Variants in PRDM15 observed in about 807,000 individuals in gnomAD.
The protein encoded by PRDM15 is PR/SET domain 15, also known as PR domain zinc finger protein 15.
In PRDM15, 64 loss-of-function variants were observed where a neutral mutation model predicts 128.6. That is an observed-to-expected ratio of 0.50 (90% CI 0.41 to 0.61). PRDM15 has a LOEUF of 0.61. PRDM15 is among the 20% of genes least tolerant of loss of function. The pLI, the probability that PRDM15 is intolerant of heterozygous loss-of-function variation, is 0.00. For missense variants in PRDM15, 1,242 were observed against 1,569.1 expected (o/e 0.79, Z 3.52); for synonymous variants, 615 against 621.8 (o/e 0.99, Z 0.16).
intron 1 of PRDM15, among the ~76,000 whole-genome samples, chr21:41,865,003 C>T (rs1454871460): frequency 7.3e-5 from 11 of 149,998 alleles, no homozygotes; most frequent in Admixed American, 1.3e-4. Flanking sequence ...CTGCAATGCC[C>T]GCTCACTCCT....
chr21:41,864,479 CA>C (rs11333448), intron 1 of PRDM15, among the ~76,000 whole-genome samples: 152,067 of 152,118 alleles, frequency 1, 76,009 homozygotes, highest in Non-Finnish European at 1. Flanking sequence ...ACCAACATGT[CA>C]AAAAGTAAAA....
In PRDM15 at chr21:41,832,707, C is replaced by G. The variant is rs1398855212; in HGVS notation, c.1366+2730G>C. 6.6e-6 allele frequency among the ~76,000 whole-genome samples: 1 copy of G among 152,170 alleles called. No homozygotes were observed. The highest frequency in any genetic ancestry group is 1.5e-5 in the Non-Finnish European group (1 of 68,022). ...GGTACCAACCAATACAAGTGAGCCCCCCTCCCAGGCAGGTGCAAATCAGCA... is the reference window on the plus strand; with the variant it reads ...GGTACCAACCAATACAAGTGAGCCCGCCTCCCAGGCAGGTGCAAATCAGCA... On this transcript the variant is annotated intron_variant, in intron 11 of 23. Coordinates refer to ENST00000398548, the MANE Select transcript of PRDM15 (RefSeq NM_001040424.3). The surrounding 1 kb of genome is among the most constrained non-coding windows in gnomAD (Gnocchi z 4.2).
At chr21:41,827,538 C>T (rs2062513461) in intron 12 of PRDM15, among the ~76,000 whole-genome samples, 1 of 151,930 alleles carries the variant, frequency 6.6e-6, no homozygotes, top group Non-Finnish European at 1.5e-5. Context: ...AGCAGAGCCT[C>T]GCTATGTTGC....
chr21:41,810,477 C>G lies in PRDM15; in HGVS notation c.2477-148G>C, dbSNP rs745469121. On this transcript the variant is annotated intron_variant, in intron 20 of 23. Coordinates refer to ENST00000398548, the MANE Select transcript of PRDM15 (RefSeq NM_001040424.3). This position sits in a 1 kb window ranked among gnomAD's most constrained non-coding sequence, Gnocchi z 6.4. ...TCCTGAGAGGGCCGGTGCTGGTCCC[C>G]GAGCACACATGAGCACAGAGCCTCT... is the stretch of plus-strand genomic sequence containing the variant. 7.0e-6 allele frequency: 6 copies of G among 859,362 alleles called. No homozygotes were observed. The highest frequency in any genetic ancestry group is 1.1e-5 in the Non-Finnish European group (6 of 556,830). 53.2% of individuals were successfully genotyped at this position (859,362 alleles called of 1,614,324 possible). A position where few individuals can be genotyped will look rare whatever the true frequency, so the allele number is the denominator to read the frequency against.
Position 41,821,064 on chromosome 21 carries a change from C to T in PRDM15, c.2060+3G>A. 2 of 1,614,208 alleles carry T rather than the reference C, an allele frequency of 1.2e-6. No individual in the cohort carries two copies. Among genetic ancestry groups the T allele is most frequent in the Non-Finnish European group, 8.5e-7 (1 of 1,180,026 alleles). On this transcript the variant is annotated splice_donor_region_variant and intron_variant, in intron 16 of 23. Transcript: ENST00000398548. This position sits in a 1 kb window ranked among gnomAD's most constrained non-coding sequence, Gnocchi z 5.4. ...AACCCGGGAGCCCCCGACCAGGCCT[C>T]ACTTCTGCACGTTGGGGTCCGGCAG...
rs1022135481 is a variant in PRDM15 at position 41,801,725 on chromosome 21, G to A, written c.2944-3C>T. Reference sequence around the variant, plus strand: ...GGGTCACCCAGGGTCACCACTACCTGGAAGATTCACACACAACAAAAATCC... The same window carrying A: ...GGGTCACCCAGGGTCACCACTACCTAGAAGATTCACACACAACAAAAATCC... On this transcript the variant is annotated splice_polypyrimidine_tract_variant and splice_region_variant and intron_variant, in intron 23 of 23. Coordinates refer to ENST00000398548, the MANE Select transcript of PRDM15 (RefSeq NM_001040424.3). 1 of 1,608,400 alleles carries A rather than the reference G, an allele frequency of 6.2e-7. No homozygotes were observed. The highest frequency in any genetic ancestry group is 1.3e-5 in the African/African-American group (1 of 74,910).
Position 41,820,332 on chromosome 21 carries a change from C to T in PRDM15, c.2061-158G>A, listed in dbSNP as rs76912990. Among the ~76,000 whole-genome samples, 676 of 152,348 alleles carry T rather than the reference C, an allele frequency of 4.4e-3. 4 individuals carry two copies. The highest frequency in any genetic ancestry group is 0.016 in the African/African-American group (648 of 41,570). ...TTTGAGCCTCTGCCACGGGCTCAAT[C>T]GTAACCCCCCGAATTCCTACATCGA... is the stretch of plus-strand genomic sequence containing the variant. On this transcript the variant is annotated intron_variant, in intron 16 of 23. Coordinates refer to ENST00000398548, the MANE Select transcript of PRDM15 (RefSeq NM_001040424.3).
At chr21:41,829,959 C>T (rs1052418561) in intron 11 of PRDM15, among the ~76,000 whole-genome samples, 2 of 151,562 alleles carry the variant, frequency 1.3e-5, no homozygotes, top group Non-Finnish European at 2.9e-5. Context: ...CACAAATACA[C>T]AGTCAACACA....
chr21:41,804,754 TC>T (rs1376914060), intron 21 of PRDM15, 140 bp from the exon 22 acceptor site: 1 of 589,174 alleles, frequency 1.7e-6, no homozygotes, highest in East Asian at 3.2e-5. Flanking sequence ...CCCAGTCTCC[TC>T]TGTTCAGCTC....
intron 1 of PRDM15, chr21:41,861,819 A>T: frequency 6.3e-7 from 1 of 1,587,480 alleles, no homozygotes; most frequent in Admixed American, 1.7e-5. Context: ...AGTGAGGCAG[A>T]GGAAAGAGAG....
chr21:41,859,208 T>G lies in PRDM15; in HGVS notation c.131+384A>C. On this transcript the variant is annotated intron_variant, in intron 3 of 23. Coordinates refer to ENST00000398548, the MANE Select transcript of PRDM15 (RefSeq NM_001040424.3). The surrounding 1 kb of genome is among the most constrained non-coding windows in gnomAD (Gnocchi z 5.3). ...CCCCTGCCCCGCCTGGGTGTGCACG[T>G]GTCCGCTGGCAGGCCAAGACCTGGA... is the stretch of plus-strand genomic sequence containing the variant. 1.2e-6 allele frequency: 2 copies of G among 1,613,872 alleles called. No homozygotes were observed. The highest frequency in any genetic ancestry group is 1.7e-6 in the Non-Finnish European group (2 of 1,179,940).
At chr21:41,816,440 G>A (rs917052844) in intron 18 of PRDM15, among the ~76,000 whole-genome samples, 2 of 152,170 alleles carry the variant, frequency 1.3e-5, no homozygotes, top group South Asian at 4.1e-4. Flanking sequence ...CTGACCGTGA[G>A]GCTGACACGC....
intron 18 of PRDM15, among the ~76,000 whole-genome samples, chr21:41,818,296 C>T (rs1334268250): frequency 6.6e-6 from 1 of 152,196 alleles, no homozygotes; most frequent in Non-Finnish European, 1.5e-5. Flanking sequence ...CCACCTGTCC[C>T]GCTAAGGCAG....
At chr21:41,829,098 TAC>T (rs1273028988) in intron 11 of PRDM15, among the ~76,000 whole-genome samples, 1 of 115,724 alleles carries the variant, frequency 8.6e-6, no homozygotes, top group East Asian at 2.9e-4. Flanking sequence ...CCCACAGAAA[TAC>T]ACAATCACAC....
chr21:41,804,167 T>C (rs1234749472), intron 22 of PRDM15, among the ~76,000 whole-genome samples: 2 of 152,210 alleles, frequency 1.3e-5, no homozygotes, highest in African/African-American at 2.4e-5. Flanking sequence ...TTTTGCCACG[T>C]TGGCCAGGCT....
intron 1 of PRDM15, among the ~76,000 whole-genome samples, chr21:41,871,337 C>G (rs1474976419): frequency 6.7e-6 from 1 of 149,134 alleles, no homozygotes; most frequent in African/African-American, 2.5e-5. Context: ...CCATTCCCCC[C>G]ACCCCCACCC....
chr21:41,801,395 G>A lies in PRDM15; in HGVS notation c.3271C>T (p.Leu1091=), dbSNP rs2236694. ...LTTLVNSITP[L]GSQLSDQHPL... ...TGCTGGTCACTAAGCTGGCTCCCCA[G>A]GGGCGTGATGGAGTTGACCAGGGTC... Residue 1091 remains leucine, a synonymous_variant, in exon 24 of 24, where the codon CTG becomes TTG. Coordinates refer to ENST00000398548, the MANE Select transcript of PRDM15 (RefSeq NM_001040424.3). 153,048 of 1,613,502 alleles carry A rather than the reference G, an allele frequency of 0.095. 8,169 individuals carry two copies. Among genetic ancestry groups the A allele is most frequent in the Middle Eastern group, 0.18 (1,095 of 6,058 alleles).
chr21:41,829,234 T>A (rs1449570721), intron 11 of PRDM15, among the ~76,000 whole-genome samples: 3 of 131,828 alleles, frequency 2.3e-5, no homozygotes, highest in African/African-American at 8.8e-5. Flanking sequence ...TCACACACTA[T>A]GCAAATACAT....
In PRDM15 at chr21:41,810,701, C is replaced by T. The variant is rs2146274929; in HGVS notation, c.2476+52G>A. The T allele has an allele frequency of 1.4e-6, 2 of 1,455,842 alleles. No individual in the cohort carries two copies. The highest frequency in any genetic ancestry group is 1.9e-6 in the Non-Finnish European group (2 of 1,037,844). The allele number at this position is 1,455,842 out of a possible 1,614,324, so 90.2% of individuals were successfully genotyped here. ...CACCCCAGCAGGCACTCAGACAGCC[C>T]CGGCAGCCTGCCGCGTGCGCCCCGA... On this transcript the variant is annotated intron_variant, in intron 20 of 23. Transcript: ENST00000398548. The surrounding 1 kb of genome is among the most constrained non-coding windows in gnomAD (Gnocchi z 6.4).
Sources: allele counts gnomAD v4.1 joint callset (sites outside exome capture counted in the v4.1 genomes callset), GRCh38; gene constraint gnomAD v4.1.1; non-coding constraint Gnocchi (gnomAD v3.1); transcripts MANE v1.5; gene names NCBI Gene and HGNC (gene_info 2026-07-23, HGNC 2026-07-21).